The following RGSL1 variants were observed in gnomAD, a reference collection of about 807,000 sequenced individuals.
The protein encoded by RGSL1 is regulator of G protein signaling like 1.
RGSL1 carries 97 observed loss-of-function variants against 124.7 expected under a neutral mutation model. The ratio of observed to expected loss-of-function variants is 0.78; its 90% CI spans 0.66 to 0.92. The LOEUF is 0.92. Among genes scored for constraint, RGSL1 ranks in the 40% least tolerant of loss-of-function variants. RGSL1 has a pLI of 0.00. For synonymous variants in RGSL1, 424 were observed against 438.1 expected, an observed-to-expected ratio of 0.97 and a Z score of 0.40; for missense variants, 1,233 against 1,288.4, an observed-to-expected ratio of 0.96 and a Z score of 0.66.
At chr1:182,548,271 T>G (rs1660343749) in intron 15 of RGSL1, 46 bp from the exon 16 acceptor site, 2 of 1,549,674 alleles carry the variant, frequency 1.3e-6, no homozygotes, top group African/African-American at 2.7e-5. Context: ...TTAGTCACTG[T>G]TTTCATCTTC....
chr1:182,471,886 T>C (rs1653873355), intron 4 of RGSL1, among the ~76,000 whole-genome samples: 1 of 152,230 alleles, frequency 6.6e-6, no homozygotes, highest in African/African-American at 2.4e-5. Context: ...ATTTTAAGGG[T>C]GAAATCCTGG....
chr1:182,452,688 A>G (rs1349847920), intron 1 of RGSL1, among the ~76,000 whole-genome samples: 1 of 152,254 alleles, frequency 6.6e-6, no homozygotes, highest in Non-Finnish European at 1.5e-5. Context: ...CCTGGCCTCA[A>G]GCAATCCACC....
intron 9 of RGSL1, among the ~76,000 whole-genome samples, chr1:182,515,171 C>T (rs1227880227): frequency 6.6e-6 from 1 of 152,120 alleles, no homozygotes; most frequent in African/African-American, 2.4e-5. Context: ...AGGAATTGTT[C>T]GCACTCACCT....
At chr1:182,511,350 G>T (rs1422020597) in intron 9 of RGSL1, among the ~76,000 whole-genome samples, 1 of 152,122 alleles carries the variant, frequency 6.6e-6, no homozygotes, top group Non-Finnish European at 1.5e-5. Flanking sequence ...TTTTAGTAGA[G>T]ATGGGGTTTC....
chr1:182,524,329 G>T (rs1054121355), intron 10 of RGSL1, among the ~76,000 whole-genome samples: 1 of 152,124 alleles, frequency 6.6e-6, no homozygotes, highest in Non-Finnish European at 1.5e-5. Context: ...TGAAGGCAGA[G>T]ATAATATAGT....
intron 10 of RGSL1, among the ~76,000 whole-genome samples, chr1:182,523,925 A>G (rs1658542235): frequency 6.6e-6 from 1 of 152,228 alleles, no homozygotes; most frequent in Non-Finnish European, 1.5e-5. Flanking sequence ...AGAATATCAG[A>G]AGATGCTCAG....
At chr1:182,525,335 A>G (rs973691520) in intron 10 of RGSL1, among the ~76,000 whole-genome samples, 8 of 152,216 alleles carry the variant, frequency 5.3e-5, no homozygotes, top group Non-Finnish European at 1.2e-4. Context: ...ATGTTAGACT[A>G]AAGACTTCCA....
At position 182,505,141 on chromosome 1, in the gene RGSL1, T is replaced by A. The variant is rs572151864; in HGVS notation, c.1825+12012T>A. 2.0e-5 allele frequency among the ~76,000 whole-genome samples: 3 copies of A among 152,292 alleles called. No homozygotes were observed. In the South Asian group the frequency reaches 6.2e-4, roughly 32 times the overall value. ...CAAGCTGTGGTGGTCAATACTTGTATCCTTAAATTCTTTTAGTAATTTCAC... is the reference window on the plus strand; with the variant it reads ...CAAGCTGTGGTGGTCAATACTTGTAACCTTAAATTCTTTTAGTAATTTCAC... On this transcript the variant is annotated intron_variant, in intron 9 of 21. Transcript: ENST00000294854.
At chr1:182,509,808 C>CG (rs1194215554) in intron 9 of RGSL1, among the ~76,000 whole-genome samples, 1 of 106,026 alleles carries the variant, frequency 9.4e-6, no homozygotes, top group Non-Finnish European at 2.0e-5. Flanking sequence ...GCTGGCCGGG[C>CG]GGGGGGCTGA....
Position 182,493,028 on chromosome 1 carries a change from C to G in RGSL1, c.1724C>G (p.Thr575Ser), listed in dbSNP as rs1298933782. 1.9e-6 allele frequency: 3 copies of G among 1,548,650 alleles called. No homozygotes were observed. The Admixed American group carries it at 5.9e-5, about 30-fold the overall frequency. Residue 575 changes from threonine to serine, a missense_variant, in exon 9 of 22, where the codon ACT (threonine) becomes AGT (serine). Coordinates refer to ENST00000294854, the MANE Select transcript of RGSL1 (RefSeq NM_001137669.2). Reference sequence around the variant, plus strand: ...GTTTTTCCTTACTTCACAGACATAACTAAAATGTCCTTTGAGGAGCTTTGC... The same window carrying G: ...GTTTTTCCTTACTTCACAGACATAAGTAAAATGTCCTTTGAGGAGCTTTGC... ...LTSPVFLTDI[T>S]KMSFEELCYK...
At chr1:182,522,742 C>T (rs918968975) in intron 10 of RGSL1, among the ~76,000 whole-genome samples, 1 of 152,178 alleles carries the variant, frequency 6.6e-6, no homozygotes, top group African/African-American at 2.4e-5. Context: ...CCCTAAAGGT[C>T]TAAAGTACAA....
intron 8 of RGSL1, among the ~76,000 whole-genome samples, chr1:182,491,010 C>G (rs1655483053): frequency 6.7e-6 from 1 of 150,264 alleles, no homozygotes; most frequent in African/African-American, 2.5e-5. Context: ...CCCACCTCAG[C>G]CTCCTAAGTT....
intron 6 of RGSL1, among the ~76,000 whole-genome samples, chr1:182,477,050 C>T (rs1654343803): frequency 5.9e-5 from 9 of 152,140 alleles, no homozygotes; most frequent in Admixed American, 5.9e-4. Context: ...TAGGAGGTCC[C>T]CAGCTTTTGT....
At chr1:182,494,870 G>A (rs1479543987) in intron 9 of RGSL1, among the ~76,000 whole-genome samples, 1 of 152,184 alleles carries the variant, frequency 6.6e-6, no homozygotes, top group African/African-American at 2.4e-5. Flanking sequence ...AGAACTAGTA[G>A]ATCTCATCTT....
At chr1:182,558,208 C>T (rs1025375503) in intron 21 of RGSL1, among the ~76,000 whole-genome samples, 2 of 152,092 alleles carry the variant, frequency 1.3e-5, no homozygotes, top group Non-Finnish European at 2.9e-5. Context: ...TTTTTCTTTG[C>T]CCTTGAAATT....
At position 182,479,365 on chromosome 1, in the gene RGSL1, G is replaced by C. The variant is rs529971840; in HGVS notation, c.1431+4823G>C. Among the ~76,000 whole-genome samples the C allele has an allele frequency of 3.4e-4, 52 of 152,204 alleles. 1 individual carries two copies. The highest frequency in any genetic ancestry group is 6.5e-4 in the Non-Finnish European group (44 of 67,974). On this transcript the variant is annotated intron_variant, in intron 6 of 21. Coordinates refer to ENST00000294854, the MANE Select transcript of RGSL1 (RefSeq NM_001137669.2). ...TAAACTATGGCAAGTAGGAAGAAAA[G>C]TGCAGAATTTTGTATGCAATTGAAG...
chr1:182,477,744 T>C (rs1316157631), intron 6 of RGSL1, among the ~76,000 whole-genome samples: 1 of 152,046 alleles, frequency 6.6e-6, no homozygotes, highest in African/African-American at 2.4e-5. Flanking sequence ...ATGACCTTAC[T>C]CATGGAAGCC....
At position 182,472,403 on chromosome 1, in the gene RGSL1, A is replaced by ATTGG. The variant is rs867088520; in HGVS notation, c.311_314dup (p.Asp106GlyfsTer8). The ATTGG allele has an allele frequency of 1.0e-5, 16 of 1,549,252 alleles. No individual in the cohort carries two copies. The highest frequency in any genetic ancestry group is 1.3e-5 in the Non-Finnish European group (15 of 1,145,320). On this transcript the variant is annotated frameshift_variant, in exon 5 of 22. Transcript: ENST00000294854. LOFTEE classifies it high-confidence loss of function. ...CTTCTGTCTCACCCGTAGGTGAAGA[A>ATTGG]TTGGTGGATTTCTGGATCCTTGCTG...
chr1:182,477,666 C>T (rs1475789779), intron 6 of RGSL1, among the ~76,000 whole-genome samples: 2 of 152,180 alleles, frequency 1.3e-5, no homozygotes, highest in East Asian at 1.9e-4. Flanking sequence ...GCCCCAACTG[C>T]CTTTGAACCA....
Sources: allele counts gnomAD v4.1 joint callset (sites outside exome capture counted in the v4.1 genomes callset), GRCh38; gene constraint gnomAD v4.1.1; transcripts MANE v1.5; gene names NCBI Gene and HGNC (gene_info 2026-07-23, HGNC 2026-07-21).